The following ITIH5 variants were observed in gnomAD, a reference collection of about 807,000 sequenced individuals.
ITIH5 encodes inter-alpha-trypsin inhibitor heavy chain H5.
Under a neutral mutation model 77.5 loss-of-function variants are expected in ITIH5, and 65 were observed. The ratio of observed to expected loss-of-function variants is 0.84; its 90% CI spans 0.69 to 1.03. ITIH5 has a LOEUF of 1.03. ITIH5 is among the 50% of genes least tolerant of loss of function. The probability of loss-of-function intolerance (pLI) is 0.00; values close to 1 mark genes in which losing one functional copy is unlikely to be tolerated. For missense variants in ITIH5, 1,208 were observed against 1,213.1 expected (o/e 1.00, Z 0.06); for synonymous variants, 525 against 494.3 (o/e 1.06, Z -0.82).
intron 5 of ITIH5, among the ~76,000 whole-genome samples, chr10:7,635,510 CA>C (rs1276049038): frequency 6.6e-5 from 10 of 152,102 alleles, no homozygotes; most frequent in African/African-American, 2.4e-4. Context: ...GGTACCTTGA[CA>C]ATATTTTTGC....
chr10:7,613,876 G>A (rs916800591), intron 7 of ITIH5, among the ~76,000 whole-genome samples: 5 of 152,098 alleles, frequency 3.3e-5, no homozygotes, highest in Admixed American at 6.5e-5. Context: ...GTCCAGCTTC[G>A]TGCCATTTGG....
chr10:7,575,132 T>C (rs1193268000), intron 10 of ITIH5, among the ~76,000 whole-genome samples: 1 of 152,232 alleles, frequency 6.6e-6, no homozygotes, highest in Admixed American at 6.5e-5. Flanking sequence ...TTTCAATACA[T>C]TTCTGGTATT....
intron 7 of ITIH5, among the ~76,000 whole-genome samples, chr10:7,591,285 T>C (rs1354188206): frequency 6.6e-6 from 1 of 152,216 alleles, no homozygotes; most frequent in Non-Finnish European, 1.5e-5. Flanking sequence ...CTACCCCAGC[T>C]ATCAACAACA....
intron 8 of ITIH5, among the ~76,000 whole-genome samples, chr10:7,581,309 T>TG (rs1832547864): frequency 6.6e-6 from 1 of 151,750 alleles, no homozygotes; most frequent in Non-Finnish European, 1.5e-5. Context: ...AAAATAAAGT[T>TG]GGGGGCGAAA....
chr10:7,661,081 A>G (rs1834268983), intron 1 of ITIH5, among the ~76,000 whole-genome samples: 1 of 152,154 alleles, frequency 6.6e-6, no homozygotes, highest in Non-Finnish European at 1.5e-5. Context: ...CTGTGCATGC[A>G]AGGGATCTAG....
At chr10:7,565,563 T>A (rs571588437) in intron 13 of ITIH5, among the ~76,000 whole-genome samples, 3 of 149,274 alleles carry the variant, frequency 2.0e-5, no homozygotes, top group Middle Eastern at 3.7e-3. Context: ...CATATATACA[T>A]ACAGACGGTA....
intron 7 of ITIH5, among the ~76,000 whole-genome samples, chr10:7,592,712 G>C (rs916252811): frequency 9.2e-5 from 14 of 152,226 alleles, no homozygotes; most frequent in East Asian, 3.8e-4. Context: ...CACAGGCAGG[G>C]GCGGCCTCAG....
chr10:7,589,156 C>A (rs1450023340), intron 7 of ITIH5, among the ~76,000 whole-genome samples: 1 of 152,200 alleles, frequency 6.6e-6, no homozygotes, highest in Non-Finnish European at 1.5e-5. Context: ...CCTGTAACAT[C>A]CTTGCAGAAG....
chr10:7,566,724 TAAAAA>T lies in ITIH5; in HGVS notation c.2150-322_2150-318del, dbSNP rs758378979. ...GCTACAGAGTGAGATCCTATCTCAT[TAAAAA>T]AAAAAAAAAAAAGAAGAAGAAGAAG... On this transcript the variant is annotated intron_variant, in intron 12 of 13. Coordinates refer to ENST00000397146, the MANE Select transcript of ITIH5 (RefSeq NM_030569.7). Among the ~76,000 whole-genome samples, 4 of 9,142 alleles carry T rather than the reference TAAAAA, an allele frequency of 4.4e-4. 1 individual carries two copies. The highest frequency in any genetic ancestry group is 7.9e-3 in the East Asian group (2 of 254). 6.0% of individuals were successfully genotyped at this position (9,142 alleles called of 152,430 possible).
Position 7,562,964 on chromosome 10 carries a change from G to T in ITIH5, c.*119C>A. Reference sequence around the variant, plus strand: ...TCGGATCTATGCTGCACCAGGGGTGGGTCATGGAGTCCAGCTAATTGCCAG... The same window carrying T: ...TCGGATCTATGCTGCACCAGGGGTGTGTCATGGAGTCCAGCTAATTGCCAG... On this transcript the variant is annotated 3_prime_UTR_variant, in exon 14 of 14. Transcript: ENST00000397146. The T allele has an allele frequency of 1.2e-6, 1 of 852,814 alleles. No homozygotes were observed. The allele number at this position is 852,814 out of a possible 1,614,324, so 52.8% of individuals were successfully genotyped here.
intron 7 of ITIH5, among the ~76,000 whole-genome samples, chr10:7,592,478 G>A (rs75834646): frequency 2.0e-5 from 3 of 152,168 alleles, no homozygotes; most frequent in Non-Finnish European, 1.5e-5. Context: ...TACTCAGAGA[G>A]GGACAGAGAG....
intron 11 of ITIH5, chr10:7,571,563 T>A (rs1298462261): frequency 1.3e-5 from 2 of 152,128 alleles, no homozygotes; most frequent in Non-Finnish European, 2.9e-5. Context: ...ATTACAGGCG[T>A]GCACCACCAT....
chr10:7,640,835 T>C lies in ITIH5; in HGVS notation c.320A>G (p.Tyr107Cys), dbSNP rs766523422. 1 of 1,612,738 alleles carries C rather than the reference T, an allele frequency of 6.2e-7. No homozygotes were observed. The highest frequency in any genetic ancestry group is 8.5e-7 in the Non-Finnish European group (1 of 1,178,748). Residue 107 changes from tyrosine to cysteine, a missense_variant, in exon 4 of 14, where the codon TAT becomes TGT. Coordinates refer to ENST00000397146, the MANE Select transcript of ITIH5 (RefSeq NM_030569.7). ...NFTMLIGDKV[Y>C]QGEITEREKK... is the part of the protein sequence containing the mutation. ...TTCTCTCTCTGTAATTTCGCCCTGATACACCTTGTCTCCAATAAGCCTGAA... is the reference window on the plus strand; with the variant it reads ...TTCTCTCTCTGTAATTTCGCCCTGACACACCTTGTCTCCAATAAGCCTGAA...
Position 7,576,803 on chromosome 10 carries a change from G to C in ITIH5, c.1628C>G (p.Thr543Arg), listed in dbSNP as rs1588366454. The change falls in exon 10 of 14, where the codon ACA becomes AGA. Residue 543 changes from threonine (T) to arginine (R), a missense_variant. Thr to Arg is a moderately conservative substitution (Grantham distance 71). Transcript: ENST00000397146. Reference protein sequence around the residue: ...SNSKKFIILKTDVPVRPQKAG... With the variant: ...SNSKKFIILKRDVPVRPQKAG... The stretch of plus-strand genomic sequence containing the variant: ...CTTCTGAGGCCGCACAGGCACATCT[G>C]TCTTCAGGATGATGAATTTCTTACT... 6.2e-7 allele frequency: 1 copy of C among 1,614,212 alleles called. No homozygotes were observed. Among genetic ancestry groups the C allele is most frequent in the Non-Finnish European group, 8.5e-7 (1 of 1,180,036 alleles).
Position 7,576,830 on chromosome 10 carries a change from T to C in ITIH5, c.1601A>G (p.Asn534Ser), listed in dbSNP as rs1001129502. Residue 534 changes from asparagine to serine, a missense_variant, in exon 10 of 14, where the codon AAC becomes AGC. Asn to Ser is a conservative substitution (Grantham distance 46). Transcript: ENST00000397146. Reference sequence around the variant, plus strand: ...CTTCAGGATGATGAATTTCTTACTGTTGCTGGCGGTGACCTCCACGTGCAG... The same window carrying C: ...CTTCAGGATGATGAATTTCTTACTGCTGCTGGCGGTGACCTCCACGTGCAG... ...DHLHVEVTASNSKKFIILKTD... is the reference protein window; with the variant it reads ...DHLHVEVTASSSKKFIILKTD... 6.2e-7 allele frequency: 1 copy of C among 1,614,184 alleles called. No individual in the cohort carries two copies.
At chr10:7,590,541 C>T (rs7904044) in intron 7 of ITIH5, among the ~76,000 whole-genome samples, 43,153 of 152,128 alleles carry the variant, frequency 0.28, 6,475 homozygotes, top group East Asian at 0.49. Context: ...ATAATACATA[C>T]ATCGTGCTGT....
chr10:7,622,856 C>T lies in ITIH5; in HGVS notation c.653-5574G>A, dbSNP rs140659247. Among the ~76,000 whole-genome samples the T allele has an allele frequency of 9.2e-5, 14 of 152,288 alleles. No individual in the cohort carries two copies. In the East Asian group the frequency reaches 2.5e-3, roughly 27 times the overall value. On this transcript the variant is annotated intron_variant, in intron 5 of 13. Coordinates refer to ENST00000397146, the MANE Select transcript of ITIH5 (RefSeq NM_030569.7). Reference sequence around the variant, plus strand: ...GGATGCATTGATTTTGCCACATTCTCCAAGGACTCTAAAGAAAGTTAAGAA... The same window carrying T: ...GGATGCATTGATTTTGCCACATTCTTCAAGGACTCTAAAGAAAGTTAAGAA...
chr10:7,566,189 C>A lies in ITIH5; in HGVS notation c.2368G>T (p.Val790Leu). The change falls in exon 13 of 14, where the codon GTG (valine) becomes TTG (leucine). Residue 790 changes from valine to leucine, a missense_variant. Coordinates refer to ENST00000397146, the MANE Select transcript of ITIH5 (RefSeq NM_030569.7). ...ACGGTGACATTGGCGTTGGCAGACA[C>A]GGACACCTCCAGCCCCCAGCTCCCC... ...VVGSWGLEVS[V>L]SANANVTVTI... 1.2e-6 allele frequency: 2 copies of A among 1,613,982 alleles called. No individual in the cohort carries two copies. Among genetic ancestry groups the A allele is most frequent in the African/African-American group, 2.7e-5 (2 of 75,000 alleles).
intron 7 of ITIH5, among the ~76,000 whole-genome samples, chr10:7,611,075 G>A (rs1397616129): frequency 6.6e-6 from 1 of 152,194 alleles, no homozygotes; most frequent in East Asian, 1.9e-4. Context: ...TTGCACTTCT[G>A]CCAGCTGCAT....
Sources: allele counts gnomAD v4.1 joint callset (sites outside exome capture counted in the v4.1 genomes callset), GRCh38; gene constraint gnomAD v4.1.1; transcripts MANE v1.5; gene names NCBI Gene and HGNC (gene_info 2026-07-23, HGNC 2026-07-21).